The following CHD4 variants were observed in gnomAD, a reference collection of about 807,000 sequenced individuals.
The protein encoded by CHD4 is chromodomain helicase DNA binding protein 4.
CHD4 carries 35 observed loss-of-function variants against 235.5 expected under a neutral mutation model. The ratio of observed to expected loss-of-function variants is 0.15; its 90% CI spans 0.11 to 0.20. The LOEUF (loss-of-function observed/expected upper bound fraction) is 0.20. Ranked by LOEUF, CHD4 falls within the 10% of genes least tolerant of loss-of-function variation. The pLI is 1.00. For missense variants in CHD4, 1,329 were observed against 2,432.3 expected, an observed-to-expected ratio of 0.55 and a Z score of 9.54; for synonymous variants, 900 against 850.2, an observed-to-expected ratio of 1.06 and a Z score of -1.02.
At chr12:6,595,858 T>G (rs1948484041) in intron 13 of CHD4, 148 bp downstream of exon 13, 3 of 776,808 alleles carry the variant, frequency 3.9e-6, no homozygotes, top group Non-Finnish European at 5.9e-6. Context: ...CTCAGGAGGC[T>G]AAGGCAGGAG....
chr12:6,598,103 T>G lies in CHD4; in HGVS notation c.1687-4A>C. 6.2e-7 allele frequency: 1 copy of G among 1,614,146 alleles called. No homozygotes were observed. Among genetic ancestry groups the G allele is most frequent in the Non-Finnish European group, 8.5e-7 (1 of 1,180,018 alleles). ...TCACCTGACAGTGCAGCTCCAGCTT[T>G]GAGCGGAAAGAGAAAATCAGCCACC... On this transcript the variant is annotated splice_polypyrimidine_tract_variant and splice_region_variant and intron_variant, in intron 11 of 39. Transcript: ENST00000544040.
In CHD4 at chr12:6,593,003, C is replaced by A; in HGVS notation, c.2652+88G>T. ...GGCAGAGACAATTTTCCCCTCTCCTCTCCATCTACAAGTTTTCCCCTTAAT... is the reference window on the plus strand; with the variant it reads ...GGCAGAGACAATTTTCCCCTCTCCTATCCATCTACAAGTTTTCCCCTTAAT... On this transcript the variant is annotated intron_variant, in intron 17 of 39. Transcript: ENST00000544040. This position sits in a 1 kb window ranked among gnomAD's most constrained non-coding sequence, Gnocchi z 4.9. The A allele has an allele frequency of 6.4e-7, 1 of 1,563,346 alleles. No individual in the cohort carries two copies. The highest frequency in any genetic ancestry group is 1.2e-5 in the South Asian group (1 of 86,902).
chr12:6,595,601 A>G (rs1449322203), intron 13 of CHD4, among the ~76,000 whole-genome samples, 171 bp from the exon 14 acceptor site: 1 of 152,112 alleles, frequency 6.6e-6, no homozygotes, highest in Non-Finnish European at 1.5e-5. Flanking sequence ...CAGCCTGGTC[A>G]ACATGGTGAA....
Position 6,592,067 on chromosome 12 carries a change from C to A in CHD4, c.2949-10G>T, listed in dbSNP as rs749846082. ...GTACTTGTAGTATTTCCTACATGGG[C>A]AAGGTAGAAAGACAGGTTAGACTTG... is the stretch of plus-strand genomic sequence containing the variant. On this transcript the variant is annotated splice_polypyrimidine_tract_variant and intron_variant, in intron 19 of 39. Coordinates refer to ENST00000544040, the MANE Select transcript of CHD4 (RefSeq NM_001273.5). 2.5e-6 allele frequency: 4 copies of A among 1,614,000 alleles called. No homozygotes were observed.
intron 12 of CHD4, 59 bp downstream of exon 12, chr12:6,597,835 A>G: frequency 6.8e-7 from 1 of 1,472,656 alleles, no homozygotes; most frequent in Non-Finnish European, 9.4e-7. Context: ...CATTTTCCCA[A>G]TCTCTTTAGC....
chr12:6,595,414 C>T lies in CHD4; in HGVS notation c.2041G>A (p.Glu681Lys). ...AGCTTCTTGCCTGGTCGGCCTTCCT[C>T]ACCCCTCATTAACTCCCTAAAGAAG... ...YWNHRELMRG[E>K]EGRPGKKLKK... Residue 681 changes from glutamate to lysine, a missense_variant, in exon 14 of 40, where the codon GAG (glutamate) becomes AAG (lysine). Physicochemically the swap from Glu to Lys is moderately conservative, Grantham distance 56. Transcript: ENST00000544040. 1 of 1,613,978 alleles carries T rather than the reference C, an allele frequency of 6.2e-7. No homozygotes were observed. The highest frequency in any genetic ancestry group is 8.5e-7 in the Non-Finnish European group (1 of 1,179,910).
rs935370247 is a variant in CHD4 at position 6,595,191 on chromosome 12, G to C, written c.2121+143C>G. On this transcript the variant is annotated intron_variant, in intron 14 of 39. Coordinates refer to ENST00000544040, the MANE Select transcript of CHD4 (RefSeq NM_001273.5). Reference sequence around the variant, plus strand: ...GCTTTCTGATATATAGAGATGTGGAGAAGTGGGGAAGCCGACTTTGTGAAG... The same window carrying C: ...GCTTTCTGATATATAGAGATGTGGACAAGTGGGGAAGCCGACTTTGTGAAG... 9 of 626,916 alleles carry C rather than the reference G, an allele frequency of 1.4e-5. No individual in the cohort carries two copies. The Admixed American group carries it at 2.0e-4, about 14-fold the overall frequency. The allele number at this position is 626,916 out of a possible 1,614,324, so 38.8% of individuals were successfully genotyped here.
At chr12:6,578,785 CAG>C in intron 34 of CHD4, 59 bp downstream of exon 34, 1 of 1,524,220 alleles carries the variant, frequency 6.6e-7, no homozygotes, top group Non-Finnish European at 9.1e-7. Context: ...AGGGCAGATA[CAG>C]TCCTTGCTTC....
At chr12:6,579,293 T>C (rs1386144529) in intron 33 of CHD4, 2 of 269,468 alleles carry the variant, frequency 7.4e-6, no homozygotes, top group Non-Finnish European at 1.4e-5. Flanking sequence ...CTACTAAAAG[T>C]ACAAAAATTA....
chr12:6,601,587 G>C, intron 5 of CHD4, 57 bp from the exon 6 acceptor site: 2 of 1,612,916 alleles, frequency 1.2e-6, no homozygotes, highest in Non-Finnish European at 1.7e-6. Context: ...AAAAGAAAGA[G>C]AAGTAAGAAG....
chr12:6,573,544 A>AT (rs1237033174), intron 37 of CHD4: 2 of 256,284 alleles, frequency 7.8e-6, no homozygotes, highest in Non-Finnish European at 1.5e-5. Context: ...AATATCAAAA[A>AT]TTTTTAACAA....
At chr12:6,595,128 T>C (rs1216960253) in intron 14 of CHD4, among the ~76,000 whole-genome samples, 2 of 152,162 alleles carry the variant, frequency 1.3e-5, no homozygotes, top group African/African-American at 4.8e-5. Flanking sequence ...TACCTCCTTT[T>C]TTTTTTTCTG....
intron 25 of CHD4, 39 bp downstream of exon 25, chr12:6,587,345 C>G (rs1422439006): frequency 6.3e-7 from 1 of 1,591,078 alleles, no homozygotes; most frequent in South Asian, 1.1e-5. Flanking sequence ...ATTTTCAGAC[C>G]AATTACCAAG....
chr12:6,589,665 G>T (rs995749239), intron 22 of CHD4, among the ~76,000 whole-genome samples: 1 of 151,904 alleles, frequency 6.6e-6, no homozygotes, highest in South Asian at 2.1e-4. Flanking sequence ...TACTCGGGAG[G>T]CTGAGGCAGC....
intron 34 of CHD4, 85 bp downstream of exon 34, chr12:6,578,761 A>G: frequency 7.0e-7 from 1 of 1,429,880 alleles, no homozygotes; most frequent in Non-Finnish European, 9.9e-7. Flanking sequence ...CTAGATGAGT[A>G]TGGACAGGGA....
chr12:6,605,280 A>G (rs1948672410), intron 2 of CHD4, among the ~76,000 whole-genome samples: 1 of 152,176 alleles, frequency 6.6e-6, no homozygotes, highest in African/African-American at 2.4e-5. Context: ...AAGAAATGAC[A>G]TGTAGAAAAA....
At chr12:6,573,654 CCATATT>C (rs2136192104) in intron 37 of CHD4, among the ~76,000 whole-genome samples, 1 of 151,820 alleles carries the variant, frequency 6.6e-6, no homozygotes, top group South Asian at 2.1e-4. Flanking sequence ...ATATACATAC[CCATATT>C]ATGTTTTCAT....
rs530272623 is a variant in CHD4 at position 6,605,776 on chromosome 12, C to A, written c.100+498G>T. On this transcript the variant is annotated intron_variant, in intron 2 of 39. Coordinates refer to ENST00000544040, the MANE Select transcript of CHD4 (RefSeq NM_001273.5). ...CGATTCAAACTTCACACAGTTCAGA[C>A]AGCACAGAAAACCGGTAACCGATCA... Among the ~76,000 whole-genome samples, 4 of 152,314 alleles carry A rather than the reference C, an allele frequency of 2.6e-5. No individual in the cohort carries two copies. The South Asian group carries it at 6.2e-4, about 24-fold the overall frequency.
chr12:6,601,885 A>T, intron 4 of CHD4, 75 bp downstream of exon 4: 1 of 1,565,084 alleles, frequency 6.4e-7, no homozygotes, highest in Non-Finnish European at 8.8e-7. Flanking sequence ...AAGTGTTCTA[A>T]AGGGCAGTAA....
Sources: allele counts gnomAD v4.1 joint callset (sites outside exome capture counted in the v4.1 genomes callset), GRCh38; gene constraint gnomAD v4.1.1; non-coding constraint Gnocchi (gnomAD v3.1); transcripts MANE v1.5; gene names NCBI Gene and HGNC (gene_info 2026-07-23, HGNC 2026-07-21).